Variants in TMEM242 observed in about 807,000 individuals in gnomAD.
TMEM242 encodes the protein transmembrane protein 242, also known as UPF0463 transmembrane protein C6orf35.
TMEM242 carries 10 observed loss-of-function variants against 18.2 expected under a neutral mutation model. The observed-to-expected ratio is 0.55, with a 90% CI of 0.34 to 0.93. The LOEUF is 0.93. Ranked by LOEUF, TMEM242 falls within the 40% of genes least tolerant of loss-of-function variation. The pLI is 0.02. For synonymous variants in TMEM242, 57 were observed against 69.9 expected (o/e 0.81, Z 0.92); for missense variants, 186 against 175.5 (o/e 1.06, Z -0.34).
intron 3 of TMEM242, among the ~76,000 whole-genome samples, chr6:157,303,388 T>C (rs782527162): frequency 2.6e-5 from 4 of 152,178 alleles, no homozygotes; most frequent in Non-Finnish European, 5.9e-5. Flanking sequence ...CTTTAGAAAG[T>C]TGATGCATAT....
At chr6:157,312,730 C>A (rs1281489269) in intron 3 of TMEM242, among the ~76,000 whole-genome samples, 1 of 135,962 alleles carries the variant, frequency 7.4e-6, no homozygotes, top group Non-Finnish European at 1.6e-5. Flanking sequence ...ATCTTACTGT[C>A]CCAGTGTGCG....
chr6:157,299,336 T>A (rs587627348), intron 3 of TMEM242: 4 of 941,908 alleles, frequency 4.2e-6, no homozygotes, highest in Non-Finnish European at 7.0e-6. Context: ...TTTCCATTGT[T>A]CAGGATCTTT....
At chr6:157,311,274 C>T (rs1554248701) in intron 3 of TMEM242, among the ~76,000 whole-genome samples, 11 of 148,936 alleles carry the variant, frequency 7.4e-5, no homozygotes, top group African/African-American at 2.3e-4. Context: ...ATCATAGTGC[C>T]CCCGTGTGCA....
Position 157,305,270 on chromosome 6 carries a change from A to G in TMEM242, c.328-12271T>C, listed in dbSNP as rs1554247830. The stretch of plus-strand genomic sequence containing the variant: ...GAGCTGACAAGCAGGACTTGCATGC[A>G]TCAGATGAAGGGAACCAAGGGAAAT... On this transcript the variant is annotated intron_variant, in intron 3 of 3. Transcript: ENST00000400788. The surrounding 1 kb of genome is among the most constrained non-coding windows in gnomAD (Gnocchi z 4.1). Among the ~76,000 whole-genome samples, 1 of 152,168 alleles carries G rather than the reference A, an allele frequency of 6.6e-6. No homozygotes were observed. The highest frequency in any genetic ancestry group is 2.4e-5 in the African/African-American group (1 of 41,426).
At chr6:157,294,162 A>C (rs1045298899) in intron 3 of TMEM242, among the ~76,000 whole-genome samples, 2 of 152,086 alleles carry the variant, frequency 1.3e-5, no homozygotes, top group African/African-American at 2.4e-5. Context: ...TACTAGTAAC[A>C]CACTCCCTGA....
rs1777794041 is a variant in TMEM242, at chr6:157,299,311, T to C, written c.328-6312A>G. On this transcript the variant is annotated intron_variant, in intron 3 of 3. Transcript: ENST00000400788. ...TTAATAATCTCATAGGCACTAGCAA[T>C]CACTTGTGGACATTTTTCCATTGTT... 4 of 839,408 alleles carry C rather than the reference T, an allele frequency of 4.8e-6. No homozygotes were observed. The East Asian group carries it at 9.7e-5, about 20-fold the overall frequency. The allele number at this position is 839,408 out of a possible 1,614,324, so 52.0% of individuals were successfully genotyped here.
At chr6:157,293,449 C>A (rs1777710346) in intron 3 of TMEM242, among the ~76,000 whole-genome samples, 1 of 152,178 alleles carries the variant, frequency 6.6e-6, no homozygotes, top group African/African-American at 2.4e-5. Context: ...ATTATTCCCT[C>A]CCAGAAGAAG....
Position 157,312,205 on chromosome 6 carries a change from G to A in TMEM242, c.327+6577C>T, listed in dbSNP as rs1408558444. Among the ~76,000 whole-genome samples the A allele has an allele frequency of 1.6e-3, 17 of 10,418 alleles. 1 individual carries two copies. Among genetic ancestry groups the A allele is most frequent in the Middle Eastern group, 0.17 (2 of 12 alleles). 6.8% of individuals were successfully genotyped at this position (10,418 alleles called of 152,430 possible). On this transcript the variant is annotated intron_variant, in intron 3 of 3. Transcript: ENST00000400788. ...TCATCATAGTGTCCCAGTGTGCACTGAGCTAGCGTCATCATAGTGCCCCAG... is the reference window on the plus strand; with the variant it reads ...TCATCATAGTGTCCCAGTGTGCACTAAGCTAGCGTCATCATAGTGCCCCAG...
intron 2 of TMEM242, among the ~76,000 whole-genome samples, chr6:157,321,605 G>C (rs1014510157): frequency 6.6e-6 from 1 of 152,122 alleles, no homozygotes; most frequent in African/African-American, 2.4e-5. Context: ...GGATCAGCAG[G>C]GTTCTGTGGA....
intron 3 of TMEM242, among the ~76,000 whole-genome samples, chr6:157,297,565 G>A (rs1554247242): frequency 1.3e-5 from 2 of 152,140 alleles, no homozygotes; most frequent in African/African-American, 4.8e-5. Flanking sequence ...GCACATCAGT[G>A]AGTCCCATTA....
intron 3 of TMEM242, among the ~76,000 whole-genome samples, chr6:157,311,286 A>ATGTT (rs1778071111): frequency 1.8e-4 from 1 of 5,598 alleles, no homozygotes; most frequent in African/African-American, 5.5e-4. Flanking sequence ...CCGTGTGCAC[A>ATGTT]CACCGAGCCT....
chr6:157,313,119 C>G (rs201259144), intron 3 of TMEM242, among the ~76,000 whole-genome samples: 2 of 67,540 alleles, frequency 3.0e-5, no homozygotes, highest in East Asian at 7.1e-4. Context: ...TGTGTGCTCA[C>G]CCGGCCTCAT....
At position 157,292,191 on chromosome 6, in the gene TMEM242, C is replaced by G. The variant is rs1435851166; in HGVS notation, c.*710G>C. On this transcript the variant is annotated 3_prime_UTR_variant, in exon 4 of 4. Transcript: ENST00000400788. ...AATTGTCAGTGTTCAGAGATCCAGA[C>G]CAACTTCTCAAAAAAATATGTTTAC... is the stretch of plus-strand genomic sequence containing the variant. 6.6e-6 allele frequency: 1 copy of G among 151,810 alleles called. No homozygotes were observed. The allele number at this position is 151,810 out of a possible 1,614,324, so 9.4% of individuals were successfully genotyped here.
chr6:157,311,278 G>C (rs797025051), intron 3 of TMEM242, among the ~76,000 whole-genome samples: 1 of 3,438 alleles, frequency 2.9e-4, no homozygotes, highest in Non-Finnish European at 5.9e-4. Flanking sequence ...TAGTGCCCCC[G>C]TGTGCACACA....
At chr6:157,314,839 A>G (rs1406196198) in intron 3 of TMEM242, among the ~76,000 whole-genome samples, 1 of 152,252 alleles carries the variant, frequency 6.6e-6, no homozygotes, top group Non-Finnish European at 1.5e-5. Context: ...TAAGCATTTT[A>G]AACATGTTCC....
chr6:157,290,121 G>A lies in TMEM242; in HGVS notation c.*2780C>T, dbSNP rs1411920694. 6.6e-6 allele frequency: 1 copy of A among 152,202 alleles called. No individual in the cohort carries two copies. Among genetic ancestry groups the A allele is most frequent in the African/African-American group, 2.4e-5 (1 of 41,446 alleles). 9.4% of individuals were successfully genotyped at this position (152,202 alleles called of 1,614,324 possible). ...ACATGTTTTCCCTTGAATGAATCCTGGGGTCTCGGAAGCCACTCCTCCCTG... is the reference window on the plus strand; with the variant it reads ...ACATGTTTTCCCTTGAATGAATCCTAGGGTCTCGGAAGCCACTCCTCCCTG... On this transcript the variant is annotated 3_prime_UTR_variant, in exon 4 of 4. Coordinates refer to ENST00000400788, the MANE Select transcript of TMEM242 (RefSeq NM_018452.6).
intron 3 of TMEM242, among the ~76,000 whole-genome samples, chr6:157,294,737 C>A (rs901111689): frequency 2.0e-5 from 3 of 152,170 alleles, no homozygotes. Context: ...GAGGCTGAAT[C>A]TTTACCTTGT....
intron 3 of TMEM242, chr6:157,318,222 T>A (rs1212761474): frequency 1.3e-5 from 2 of 152,496 alleles, no homozygotes; most frequent in South Asian, 2.1e-4. Context: ...ATCGCTAATG[T>A]CAATTTGTTT....
chr6:157,306,738 T>C (rs958734202), intron 3 of TMEM242, among the ~76,000 whole-genome samples: 1 of 152,036 alleles, frequency 6.6e-6, no homozygotes. Context: ...AGTGGGACAG[T>C]CGGAAGTTAC....
Sources: gnomAD v4.1 joint callset for allele counts (sites outside exome capture counted in the v4.1 genomes callset) on GRCh38, gnomAD v4.1.1 for gene constraint, Gnocchi (gnomAD v3.1) non-coding constraint, MANE v1.5 for transcripts, NCBI Gene and HGNC (gene_info 2026-07-23, HGNC 2026-07-21) for gene names.